UNC13C: variants seen among roughly 807,000 people sequenced by gnomAD.
UNC13C encodes unc-13 homolog C.
UNC13C carries 174 observed loss-of-function variants against 245.4 expected under a neutral mutation model. That is an observed-to-expected ratio of 0.71 (90% CI 0.63 to 0.80). The LOEUF is 0.80. Among genes scored for constraint, UNC13C ranks in the 30% least tolerant of loss-of-function variants. The pLI is 0.00. For synonymous variants in UNC13C, 992 were observed against 895.1 expected (o/e 1.11, Z -1.93); for missense variants, 2,829 against 2,602.9 (o/e 1.09, Z -1.89).
In UNC13C at chr15:54,282,422, G is replaced by A. The variant is rs2037021949; in HGVS notation, c.3819-11473G>A. ...CTCTTGCAGGAGTGAGCAAGTGAGC[G>A]TGGGATATAGCCAGCTGCTCTGAGT... On this transcript the variant is annotated intron_variant, in intron 10 of 32. Coordinates refer to ENST00000260323, the MANE Select transcript of UNC13C (RefSeq NM_001080534.3). Among the ~76,000 whole-genome samples the A allele has an allele frequency of 2.6e-5, 4 of 152,212 alleles. No individual in the cohort carries two copies. In the South Asian group the frequency reaches 6.2e-4, roughly 24 times the overall value.
chr15:54,028,684 C>CATTT, intron 2 of UNC13C, among the ~76,000 whole-genome samples: 1 of 87,096 alleles, frequency 1.1e-5, no homozygotes, highest in East Asian at 3.8e-4. Context: ...GCCTACAAGT[C>CATTT]TTTTTTTTTT....
chr15:54,344,298 T>C (rs909469912), intron 17 of UNC13C, among the ~76,000 whole-genome samples: 3 of 152,174 alleles, frequency 2.0e-5, no homozygotes, highest in African/African-American at 7.2e-5. Flanking sequence ...TTTATTTCTG[T>C]AAGAGAGCTT....
intron 2 of UNC13C, among the ~76,000 whole-genome samples, chr15:54,087,739 G>C (rs1032740139): frequency 6.6e-6 from 1 of 152,100 alleles, no homozygotes; most frequent in Non-Finnish European, 1.5e-5. Flanking sequence ...TTACTGATTA[G>C]CTCTTGTAAC....
At chr15:54,316,222 C>T (rs1329514712) in intron 13 of UNC13C, among the ~76,000 whole-genome samples, 2 of 151,744 alleles carry the variant, frequency 1.3e-5, no homozygotes, top group East Asian at 1.9e-4. Flanking sequence ...CTCTGTAAAC[C>T]CCTCAGACTT....
intron 14 of UNC13C, among the ~76,000 whole-genome samples, chr15:54,330,018 A>G (rs1269650589): frequency 2.6e-5 from 4 of 152,030 alleles, no homozygotes; most frequent in Non-Finnish European, 5.9e-5. Context: ...AAGAGTGGGC[A>G]GATGGGGTAG....
At chr15:53,967,781 G>A in the UNC13C span, among the ~76,000 whole-genome samples, 2 of 152,196 alleles carry the variant, frequency 1.3e-5, no homozygotes, top group South Asian at 2.1e-4. Flanking sequence ...AATAACTAGA[G>A]TTGGCACAAG....
intron 11 of UNC13C, 97 bp from the exon 12 acceptor site, chr15:54,297,714 C>CGTTTTTTT (rs971565472): frequency 2.1e-5 from 18 of 860,222 alleles, no homozygotes; most frequent in South Asian, 9.3e-5. Context: ...CTACTTAAGC[C>CGTTTTTTT]GTTTTTTTGT....
intron 2 of UNC13C, among the ~76,000 whole-genome samples, chr15:54,075,692 A>G (rs1399939518): frequency 6.6e-6 from 1 of 152,084 alleles, no homozygotes; most frequent in Non-Finnish European, 1.5e-5. Context: ...AGTATTGAGC[A>G]GTGATTGTGG....
the UNC13C span, among the ~76,000 whole-genome samples, chr15:53,931,717 G>A: frequency 2.6e-5 from 4 of 152,148 alleles, no homozygotes; most frequent in East Asian, 1.9e-4. Flanking sequence ...AAGACTCTGC[G>A]ACTCTTCTCT....
chr15:53,853,077 T>C, the UNC13C span, among the ~76,000 whole-genome samples: 2 of 152,074 alleles, frequency 1.3e-5, no homozygotes, highest in Admixed American at 6.6e-5. Context: ...GTTACATAGG[T>C]AAACTTGTGC....
rs115916804 is a variant in UNC13C, at chr15:54,371,201, A to T, written c.4714-21847A>T. ...ACTCCTACCCCTGCCCGACCATTCCAGCCCCTGGTAACCATCATTTTACTC... is the reference window on the plus strand; with the variant it reads ...ACTCCTACCCCTGCCCGACCATTCCTGCCCCTGGTAACCATCATTTTACTC... On this transcript the variant is annotated intron_variant, in intron 17 of 32. Transcript: ENST00000260323. Among the ~76,000 whole-genome samples, 1,270 of 152,278 alleles carry T rather than the reference A, an allele frequency of 8.3e-3. 25 individuals are homozygous for T. The highest frequency in any genetic ancestry group is 0.029 in the African/African-American group (1,200 of 41,570).
intron 4 of UNC13C, among the ~76,000 whole-genome samples, chr15:54,170,078 A>T (rs2033336836): frequency 6.7e-6 from 1 of 149,142 alleles, no homozygotes; most frequent in Admixed American, 6.8e-5. Flanking sequence ...CATAAATATT[A>T]TTTAAACATT....
At chr15:53,889,514 T>G in the UNC13C span, among the ~76,000 whole-genome samples, 1 of 152,204 alleles carries the variant, frequency 6.6e-6, no homozygotes, top group Non-Finnish European at 1.5e-5. Context: ...ACAATTTGAC[T>G]TCCTTTCTTC....
At chr15:54,220,479 G>A (rs2035190018) in intron 4 of UNC13C, among the ~76,000 whole-genome samples, 1 of 150,218 alleles carries the variant, frequency 6.7e-6, no homozygotes, top group Non-Finnish European at 1.5e-5. Context: ...ATAGCATTAG[G>A]AGATACACCT....
intron 16 of UNC13C, among the ~76,000 whole-genome samples, chr15:54,335,971 T>C (rs2038563864): frequency 6.6e-6 from 1 of 152,126 alleles, no homozygotes; most frequent in Non-Finnish European, 1.5e-5. Context: ...TATATATTTC[T>C]TATTCTAGTA....
At chr15:54,196,324 G>T (rs2034352399) in intron 4 of UNC13C, among the ~76,000 whole-genome samples, 2 of 151,270 alleles carry the variant, frequency 1.3e-5, no homozygotes, top group Non-Finnish European at 2.9e-5. Context: ...TTCAGCTTTA[G>T]CAGCATGCAG....
At chr15:54,184,580 C>G (rs995442404) in intron 4 of UNC13C, among the ~76,000 whole-genome samples, 6 of 152,244 alleles carry the variant, frequency 3.9e-5, no homozygotes, top group Admixed American at 3.9e-4. Context: ...ATCCATGTCC[C>G]TACAAAGGAC....
In UNC13C at chr15:54,312,154, T is replaced by C. The variant is rs572344687; in HGVS notation, c.4269-9785T>C. On this transcript the variant is annotated intron_variant, in intron 13 of 32. Coordinates refer to ENST00000260323, the MANE Select transcript of UNC13C (RefSeq NM_001080534.3). ...CACTATGATCATATTCAGCAGTATT[T>C]CCTGCTGGGTGTTTGTTTTTGTGTT... Among the ~76,000 whole-genome samples the C allele has an allele frequency of 2.0e-5, 3 of 151,908 alleles. No homozygotes were observed. The East Asian group carries it at 5.8e-4, about 30-fold the overall frequency.
intron 19 of UNC13C, among the ~76,000 whole-genome samples, chr15:54,416,698 A>C (rs1365257094): frequency 6.6e-6 from 1 of 152,090 alleles, no homozygotes; most frequent in East Asian, 1.9e-4. Context: ...TATACTCTGC[A>C]TCCCCCCACC....
Sources: gnomAD v4.1 joint callset for allele counts (sites outside exome capture counted in the v4.1 genomes callset) on GRCh38, gnomAD v4.1.1 for gene constraint, MANE v1.5 for transcripts, NCBI Gene and HGNC (gene_info 2026-07-23, HGNC 2026-07-21) for gene names.